DLG2: variants seen among roughly 807,000 people sequenced by gnomAD.
DLG2 encodes the protein discs large MAGUK scaffold protein 2.
Under a neutral mutation model 132.5 loss-of-function variants are expected in DLG2, and 45 were observed. That is an observed-to-expected ratio of 0.34 (90% CI 0.27 to 0.44). The LOEUF is 0.44. Ranked by LOEUF, DLG2 falls within the 20% of genes least tolerant of loss-of-function variation. DLG2 has a pLI of 1.00. For missense variants in DLG2, 1,045 were observed against 1,196.9 expected (o/e 0.87, Z 1.87); for synonymous variants, 424 against 419.6 (o/e 1.01, Z -0.13).
intron 3 of DLG2, among the ~76,000 whole-genome samples, chr11:85,350,621 A>G (rs1357988144): frequency 1.3e-5 from 2 of 152,168 alleles, no homozygotes; most frequent in African/African-American, 4.8e-5. Flanking sequence ...TCAGCTTTCT[A>G]CGTATGGCTA....
chr11:85,021,309 A>G, intron 6 of DLG2: 1 of 1,258,434 alleles, frequency 7.9e-7, no homozygotes, highest in Non-Finnish European at 1.2e-6. Context: ...AATCCCACTG[A>G]AAGTCATAGT....
At chr11:84,484,592 A>T (rs1390675544) in intron 7 of DLG2, among the ~76,000 whole-genome samples, 1 of 152,148 alleles carries the variant, frequency 6.6e-6, no homozygotes, top group Non-Finnish European at 1.5e-5. Context: ...AAAATTAATA[A>T]ACTCTAGTAA....
intron 22 of DLG2, chr11:83,480,559 A>C: frequency 6.5e-7 from 1 of 1,541,198 alleles, no homozygotes; most frequent in Non-Finnish European, 8.7e-7. Context: ...GAAAACTCAG[A>C]TAAGATAAAG....
Position 85,437,745 on chromosome 11 carries a change from TAA to T in DLG2, c.41-152382_41-152381del, listed in dbSNP as rs1348332421. Among the ~76,000 whole-genome samples the T allele has an allele frequency of 2.6e-5, 4 of 152,130 alleles. No individual in the cohort carries two copies. In the East Asian group the frequency reaches 7.7e-4, roughly 29 times the overall value. On this transcript the variant is annotated intron_variant, in intron 3 of 27. Transcript: ENST00000376104. Reference sequence around the variant, plus strand: ...TTTTTTCTTTATAATGGAACTAATATAAGTTAATTTAGGAAATATAGAAGATA... The same window carrying T: ...TTTTTTCTTTATAATGGAACTAATATGTTAATTTAGGAAATATAGAAGATA...
chr11:84,843,137 A>T (rs75509369), intron 6 of DLG2, among the ~76,000 whole-genome samples: 6,245 of 152,066 alleles, frequency 0.041, 196 homozygotes, highest in African/African-American at 0.078. Context: ...TAAAAGAGGG[A>T]TAGCAGTGCA....
intron 5 of DLG2, chr11:85,133,270 G>A (rs915959066): frequency 3.2e-5 from 5 of 154,512 alleles, no homozygotes; most frequent in African/African-American, 1.2e-4. Flanking sequence ...TACTAACACT[G>A]AGTAACACAA....
chr11:83,876,494 AT>A (rs1565454191), intron 15 of DLG2, among the ~76,000 whole-genome samples: 3 of 152,166 alleles, frequency 2.0e-5, no homozygotes, highest in Non-Finnish European at 2.9e-5. Flanking sequence ...CTATTAAAAA[AT>A]ATTACAAAAT....
chr11:83,483,724 T>TA (rs1555084969), intron 22 of DLG2, among the ~76,000 whole-genome samples: 3 of 152,170 alleles, frequency 2.0e-5, no homozygotes, highest in Non-Finnish European at 4.4e-5. Flanking sequence ...TGTGCTAGTT[T>TA]ATCTTTAAAT....
intron 3 of DLG2, among the ~76,000 whole-genome samples, chr11:85,547,274 A>T (rs1323248633): frequency 6.6e-6 from 1 of 152,168 alleles, no homozygotes; most frequent in Non-Finnish European, 1.5e-5. Flanking sequence ...GCTGGATATG[A>T]AATTCTGGGT....
intron 6 of DLG2, among the ~76,000 whole-genome samples, chr11:84,592,029 T>C (rs1369571382): frequency 6.6e-6 from 1 of 152,052 alleles, no homozygotes; most frequent in African/African-American, 2.4e-5. Context: ...GATTTTTGTA[T>C]TTTTTGTAGA....
chr11:85,405,478 A>G (rs753438660), intron 3 of DLG2, among the ~76,000 whole-genome samples: 38 of 152,028 alleles, frequency 2.5e-4, no homozygotes, highest in Non-Finnish European at 2.9e-5. Flanking sequence ...GAGAACATGC[A>G]GATCATTTAT....
intron 6 of DLG2, among the ~76,000 whole-genome samples, chr11:84,717,803 G>T (rs1004785898): frequency 5.9e-5 from 9 of 152,126 alleles, no homozygotes; most frequent in African/African-American, 2.2e-4. Flanking sequence ...ATCATTTGAT[G>T]AATTTATACA....
intron 3 of DLG2, among the ~76,000 whole-genome samples, chr11:85,471,151 T>C (rs1478931683): frequency 1.3e-5 from 2 of 152,190 alleles, no homozygotes; most frequent in Non-Finnish European, 2.9e-5. Context: ...TCCTGGTACA[T>C]GTAGAATGAC....
chr11:85,438,674 C>T (rs184389372), intron 3 of DLG2, among the ~76,000 whole-genome samples: 116 of 152,260 alleles, frequency 7.6e-4, no homozygotes, highest in Non-Finnish European at 1.4e-3. Context: ...TTGTCCTCAT[C>T]TTTGTGTGTG....
intron 6 of DLG2, among the ~76,000 whole-genome samples, chr11:85,064,232 T>C (rs1180212628): frequency 6.6e-6 from 1 of 151,876 alleles, no homozygotes; most frequent in African/African-American, 2.4e-5. Context: ...TGAGCTTATA[T>C]TATAAAAACA....
intron 6 of DLG2, among the ~76,000 whole-genome samples, chr11:85,070,297 T>G (rs1348299610): frequency 7.7e-6 from 1 of 129,372 alleles, no homozygotes; most frequent in East Asian, 2.3e-4. Context: ...GAACTTAAAG[T>G]ATAATAAAAA....
chr11:83,637,751 C>T (rs559185183), intron 18 of DLG2, among the ~76,000 whole-genome samples: 3 of 152,276 alleles, frequency 2.0e-5, no homozygotes, highest in African/African-American at 2.4e-5. Flanking sequence ...TAGTCAGGTG[C>T]ATGCTGGTCT....
intron 6 of DLG2, among the ~76,000 whole-genome samples, chr11:85,031,353 A>C (rs904130900): frequency 2.0e-5 from 3 of 151,848 alleles, no homozygotes; most frequent in Non-Finnish European, 4.4e-5. Flanking sequence ...TGTACAGCTG[A>C]TATTTATTTT....
chr11:83,921,377 C>T (rs891797174), intron 15 of DLG2, among the ~76,000 whole-genome samples: 1 of 152,088 alleles, frequency 6.6e-6, no homozygotes, highest in African/African-American at 2.4e-5. Context: ...TTCTGATGAC[C>T]TCATTTGCAA....
Sources: allele counts gnomAD v4.1 joint callset (sites outside exome capture counted in the v4.1 genomes callset), GRCh38; gene constraint gnomAD v4.1.1; transcripts MANE v1.5; gene names NCBI Gene and HGNC (gene_info 2026-07-23, HGNC 2026-07-21).